The following CAB39 variants were observed in gnomAD, a reference collection of about 807,000 sequenced individuals.
The protein encoded by CAB39 is calcium-binding protein 39.
Under a neutral mutation model 40.0 loss-of-function variants are expected in CAB39, and 8 were observed. The observed-to-expected ratio is 0.20, with a 90% CI of 0.12 to 0.36. The LOEUF (loss-of-function observed/expected upper bound fraction) is 0.36. Ranked by LOEUF, CAB39 falls within the 10% of genes least tolerant of loss-of-function variation. The pLI, the probability that CAB39 is intolerant of heterozygous loss-of-function variation, is 1.00. For synonymous variants in CAB39, 156 were observed against 141.6 expected (o/e 1.10, Z -0.72); for missense variants, 270 against 401.1 (o/e 0.67, Z 2.79).
intron 7 of CAB39, among the ~76,000 whole-genome samples, chr2:230,816,718 T>TA (rs927915688): frequency 1.9e-4 from 29 of 152,204 alleles, no homozygotes; most frequent in Admixed American, 3.9e-4. Context: ...ACAGGCCTGA[T>TA]ACGTGCTTTG....
At chr2:230,814,227 C>T in intron 7 of CAB39, 113 bp downstream of exon 7, 1 of 579,354 alleles carries the variant, frequency 1.7e-6, no homozygotes, top group Non-Finnish European at 3.0e-6. Context: ...GAAATAAATA[C>T]CTTTGCCGAG....
At chr2:230,772,056 T>TA (rs1211925474) in intron 2 of CAB39, among the ~76,000 whole-genome samples, 4 of 152,122 alleles carry the variant, frequency 2.6e-5, no homozygotes, top group South Asian at 2.1e-4. Flanking sequence ...CAATTCATTT[T>TA]AAAAAAAATG....
chr2:230,818,637 A>G lies in CAB39; in HGVS notation c.959A>G (p.Asn320Ser), dbSNP rs1696447711. 3 of 1,614,102 alleles carry G rather than the reference A, an allele frequency of 1.9e-6. No homozygotes were observed. The highest frequency in any genetic ancestry group is 2.5e-6 in the Non-Finnish European group (3 of 1,180,046). Residue 320 changes from asparagine to serine, a missense_variant, in exon 9 of 9, where the codon AAC (asparagine) becomes AGC (serine). By Grantham distance (46) the Asn-to-Ser change is conservative. Coordinates refer to ENST00000258418, the MANE Select transcript of CAB39 (RefSeq NM_016289.4). Reference sequence around the variant, plus strand: ...GACAGGACGGAGGATGAGCAGTTTAACGACGAGAAGACCTATTTAGTTAAA... The same window carrying G: ...GACAGGACGGAGGATGAGCAGTTTAGCGACGAGAAGACCTATTTAGTTAAA... ...QNDRTEDEQF[N>S]DEKTYLVKQI...
Position 230,818,711 on chromosome 2 carries a change from A to G in CAB39, c.*7A>G, listed in dbSNP as rs140024311. The G allele has an allele frequency of 8.8e-4, 1,417 of 1,606,836 alleles. 1 individual carries two copies. Among genetic ancestry groups the G allele is most frequent in the Non-Finnish European group, 1.1e-3 (1,258 of 1,174,170 alleles). On this transcript the variant is annotated 3_prime_UTR_variant, in exon 9 of 9. Coordinates refer to ENST00000258418, the MANE Select transcript of CAB39 (RefSeq NM_016289.4). ...AGCTCAGCAAGAAGCTTAATCTCCAATAAACATCTATGTTAAATCCAAATT... is the reference window on the plus strand; with the variant it reads ...AGCTCAGCAAGAAGCTTAATCTCCAGTAAACATCTATGTTAAATCCAAATT...
intron 2 of CAB39, among the ~76,000 whole-genome samples, chr2:230,790,122 GAGGCTA>G (rs1450593806): frequency 6.6e-6 from 1 of 152,044 alleles, no homozygotes; most frequent in South Asian, 2.1e-4. Context: ...AGCTACCCAG[GAGGCTA>G]AGGAGGATCT....
chr2:230,808,286 A>G (rs529121208), intron 5 of CAB39, among the ~76,000 whole-genome samples: 62 of 151,996 alleles, frequency 4.1e-4, no homozygotes, highest in Non-Finnish European at 8.1e-4. Flanking sequence ...GGGTTTCACC[A>G]TGTTAGACTG....
chr2:230,743,618 G>T (rs917107638), intron 1 of CAB39, among the ~76,000 whole-genome samples: 1 of 152,112 alleles, frequency 6.6e-6, no homozygotes, highest in Non-Finnish European at 1.5e-5. Context: ...TATTTATGAT[G>T]TTATTAAGCT....
chr2:230,759,914 G>C, intron 1 of CAB39, 45 bp from the exon 2 acceptor site: 1 of 646,642 alleles, frequency 1.5e-6, no homozygotes, highest in Non-Finnish European at 2.8e-6. Context: ...TCTGTCTTCC[G>C]TTGATCCCAG....
chr2:230,765,154 T>A (rs903159940), intron 2 of CAB39, among the ~76,000 whole-genome samples: 2 of 151,898 alleles, frequency 1.3e-5, no homozygotes, highest in Admixed American at 1.3e-4. Context: ...ACTCAGCTAA[T>A]TTTTTTTGTA....
In CAB39 at chr2:230,744,571, C is replaced by T. The variant is rs565362336; in HGVS notation, c.-43-15388C>T. On this transcript the variant is annotated intron_variant, in intron 1 of 8. Transcript: ENST00000258418. ...CCTCCCAAAGTGCTGGGATTACAGG[C>T]GTGAGCCACCACGCCTGGCCTCCAA... Among the ~76,000 whole-genome samples, 35 of 152,348 alleles carry T rather than the reference C, an allele frequency of 2.3e-4. 1 individual carries two copies. The South Asian group carries it at 7.0e-3, about 31-fold the overall frequency.
At chr2:230,727,797 A>G (rs1694613558) in intron 1 of CAB39, among the ~76,000 whole-genome samples, 1 of 152,156 alleles carries the variant, frequency 6.6e-6, no homozygotes, top group African/African-American at 2.4e-5. Flanking sequence ...AGACCCAGTT[A>G]GCATAGAAAT....
intron 3 of CAB39, among the ~76,000 whole-genome samples, chr2:230,792,240 G>C (rs1031402803): frequency 6.6e-6 from 1 of 152,146 alleles, no homozygotes; most frequent in African/African-American, 2.4e-5. Context: ...CAAAGTTGGG[G>C]ATGTAGTGGA....
intron 2 of CAB39, 148 bp from the exon 3 acceptor site, chr2:230,790,724 C>A (rs1031410006): frequency 7.7e-5 from 51 of 661,290 alleles, no homozygotes; most frequent in Middle Eastern, 4.3e-4. Flanking sequence ...CTCCTGAGGG[C>A]AAGGATGGAG....
At chr2:230,740,699 C>T (rs563322492) in intron 1 of CAB39, among the ~76,000 whole-genome samples, 1 of 152,276 alleles carries the variant, frequency 6.6e-6, no homozygotes, top group Admixed American at 6.5e-5. Flanking sequence ...CCTGTGAGAT[C>T]CAGTGCTGCT....
chr2:230,787,431 T>C (rs1695812822), intron 2 of CAB39, among the ~76,000 whole-genome samples: 1 of 152,216 alleles, frequency 6.6e-6, no homozygotes, highest in Admixed American at 6.5e-5. Context: ...TCCATCAGAA[T>C]CCAGAGTTAC....
chr2:230,717,248 C>T (rs2124846290), intron 1 of CAB39, among the ~76,000 whole-genome samples: 1 of 152,102 alleles, frequency 6.6e-6, no homozygotes, highest in Admixed American at 6.5e-5. Context: ...CTTGTTATTA[C>T]TGAGGTGTAA....
At chr2:230,794,265 G>A (rs189199643) in intron 4 of CAB39, among the ~76,000 whole-genome samples, 17 of 152,212 alleles carry the variant, frequency 1.1e-4, no homozygotes, top group African/African-American at 3.4e-4. Context: ...GCACGCCAGC[G>A]TTCTGTTTCC....
chr2:230,792,127 T>C (rs894358187), intron 3 of CAB39, among the ~76,000 whole-genome samples: 2 of 152,248 alleles, frequency 1.3e-5, no homozygotes, highest in Non-Finnish European at 2.9e-5. Context: ...ATTTCTGTCC[T>C]ACTGTAGAGC....
intron 1 of CAB39, among the ~76,000 whole-genome samples, chr2:230,729,179 G>A (rs1448303160): frequency 6.6e-6 from 1 of 152,176 alleles, no homozygotes; most frequent in Non-Finnish European, 1.5e-5. Context: ...TGAACCCTTG[G>A]GCGGTTTGCA....
Sources: gnomAD v4.1 joint callset for allele counts (sites outside exome capture counted in the v4.1 genomes callset) on GRCh38, gnomAD v4.1.1 for gene constraint, MANE v1.5 for transcripts, NCBI Gene and HGNC (gene_info 2026-07-23, HGNC 2026-07-21) for gene names.